The following SLC10A7 variants were observed in gnomAD, a reference collection of about 807,000 sequenced individuals.
SLC10A7 encodes the protein solute carrier family 10 member 7.
In SLC10A7, 29 loss-of-function variants were observed where a neutral mutation model predicts 43.2. The ratio of observed to expected loss-of-function variants is 0.67; its 90% CI spans 0.50 to 0.92. SLC10A7 has a LOEUF of 0.92. Ranked by LOEUF, SLC10A7 falls within the 40% of genes least tolerant of loss-of-function variation. The probability of loss-of-function intolerance (pLI) is 0.00; values close to 1 mark genes in which losing one functional copy is unlikely to be tolerated. For missense variants in SLC10A7, 295 were observed against 403.2 expected (o/e 0.73, Z 2.30); for synonymous variants, 152 against 144.8 (o/e 1.05, Z -0.35).
chr4:146,435,321 T>G (rs1730126153), intron 5 of SLC10A7, among the ~76,000 whole-genome samples: 1 of 151,900 alleles, frequency 6.6e-6, no homozygotes, highest in Admixed American at 6.5e-5. Flanking sequence ...GAACCAAGTT[T>G]ATACAGTTTA....
At chr4:146,380,679 T>C (rs114388481) in intron 5 of SLC10A7, among the ~76,000 whole-genome samples, 3,238 of 152,238 alleles carry the variant, frequency 0.021, 102 homozygotes, top group African/African-American at 0.074. Flanking sequence ...CTTTCTGAAA[T>C]GAATTCATTT....
rs148124271 is a variant in SLC10A7 at position 146,276,835 on chromosome 4, C to T, written c.847+6357G>A. Among the ~76,000 whole-genome samples, 181 of 152,014 alleles carry T rather than the reference C, an allele frequency of 1.2e-3. 2 individuals are homozygous for T. In the East Asian group the frequency reaches 0.019, roughly 16 times the overall value. ...CAGGCATGGTGGCTCAGGCCTGTAG[C>T]CCCAGCTACTCAGGAGACTGAGGTA... On this transcript the variant is annotated intron_variant, in intron 10 of 11. Transcript: ENST00000335472.
chr4:146,420,138 C>G (rs1728852682), intron 5 of SLC10A7, among the ~76,000 whole-genome samples: 1 of 152,088 alleles, frequency 6.6e-6, no homozygotes, highest in Admixed American at 6.6e-5. Context: ...AACTAAAAGA[C>G]TGTCTATTCA....
At chr4:146,332,726 A>G (rs910972097) in intron 5 of SLC10A7, among the ~76,000 whole-genome samples, 7 of 152,176 alleles carry the variant, frequency 4.6e-5, no homozygotes, top group African/African-American at 1.7e-4. Context: ...CTTTATAGCA[A>G]TGCAAGGACA....
rs1429540278 is a variant in SLC10A7, at chr4:146,322,670, C to T, written c.471+3291G>A. Among the ~76,000 whole-genome samples, 3 of 151,958 alleles carry T rather than the reference C, an allele frequency of 2.0e-5. No individual in the cohort carries two copies. The South Asian group carries it at 6.2e-4, about 31-fold the overall frequency. On this transcript the variant is annotated intron_variant, in intron 6 of 11. Coordinates refer to ENST00000335472, the MANE Select transcript of SLC10A7 (RefSeq NM_001029998.6). The stretch of plus-strand genomic sequence containing the variant: ...AAGTCTTTGCTATTGTGAATAGTAC[C>T]ACAATAAACATACGTGTGCATGTGT...
chr4:146,521,333 A>C (rs1014700688), intron 1 of SLC10A7, among the ~76,000 whole-genome samples: 1 of 152,140 alleles, frequency 6.6e-6, no homozygotes, highest in Non-Finnish European at 1.5e-5. Flanking sequence ...CTTTGAAGGC[A>C]AGAGGAGTAA....
chr4:146,449,396 A>T (rs1731381735), intron 4 of SLC10A7, among the ~76,000 whole-genome samples: 1 of 152,136 alleles, frequency 6.6e-6, no homozygotes, highest in Non-Finnish European at 1.5e-5. Flanking sequence ...ATTCAGTTTG[A>T]GAGACCACAC....
intron 5 of SLC10A7, among the ~76,000 whole-genome samples, chr4:146,419,601 T>G (rs1728812877): frequency 6.6e-6 from 1 of 152,074 alleles, no homozygotes; most frequent in South Asian, 2.1e-4. Context: ...CTTGGGAGGC[T>G]GAGGTTGGTG....
intron 5 of SLC10A7, among the ~76,000 whole-genome samples, chr4:146,394,832 A>G (rs1738698843): frequency 6.6e-6 from 1 of 152,334 alleles, no homozygotes; most frequent in South Asian, 2.1e-4. Context: ...CCATGGGATC[A>G]CATTTCTCCA....
rs1224137362 is a variant in SLC10A7, at chr4:146,365,836, C to T, written c.436-39840G>A. On this transcript the variant is annotated intron_variant, in intron 5 of 11. Transcript: ENST00000335472. Reference sequence around the variant, plus strand: ...TCCTCTTCAGCAGGGGTCCCCAAGCCCTGGGCAGTGGACCAACCAGTCTGT... The same window carrying T: ...TCCTCTTCAGCAGGGGTCCCCAAGCTCTGGGCAGTGGACCAACCAGTCTGT... 2.0e-5 allele frequency among the ~76,000 whole-genome samples: 3 copies of T among 152,168 alleles called. No individual in the cohort carries two copies. In the East Asian group the frequency reaches 5.8e-4, roughly 29 times the overall value.
At chr4:146,323,399 T>C (rs1372423162) in intron 6 of SLC10A7, among the ~76,000 whole-genome samples, 1 of 152,208 alleles carries the variant, frequency 6.6e-6, no homozygotes, top group Non-Finnish European at 1.5e-5. Flanking sequence ...GAATTAATTA[T>C]TGTATACGGT....
rs1259513545 is a variant in SLC10A7, at chr4:146,318,076, T to C, written c.471+7885A>G. Among the ~76,000 whole-genome samples, 3 of 152,162 alleles carry C rather than the reference T, an allele frequency of 2.0e-5. No individual in the cohort carries two copies. In the East Asian group the frequency reaches 5.8e-4, roughly 29 times the overall value. On this transcript the variant is annotated intron_variant, in intron 6 of 11. Coordinates refer to ENST00000335472, the MANE Select transcript of SLC10A7 (RefSeq NM_001029998.6). ...CTCTCCCTTATTTTTTCTGTATCAG[T>C]TTTTCTCTCCATAACTGGGTTAATC...
chr4:146,512,452 G>T (rs540668399), intron 2 of SLC10A7, among the ~76,000 whole-genome samples: 7 of 152,300 alleles, frequency 4.6e-5, no homozygotes, highest in African/African-American at 1.7e-4. Flanking sequence ...GATCATCACA[G>T]TGTTATCTAT....
chr4:146,358,786 AT>A (rs142392265), intron 5 of SLC10A7, among the ~76,000 whole-genome samples: 11 of 151,510 alleles, frequency 7.3e-5, no homozygotes, highest in African/African-American at 1.7e-4. Context: ...GGACATTTGA[AT>A]TTTTTTTTCA....
chr4:146,443,917 C>T (rs948224909), intron 4 of SLC10A7, among the ~76,000 whole-genome samples: 8 of 152,116 alleles, frequency 5.3e-5, no homozygotes, highest in African/African-American at 1.4e-4. Flanking sequence ...AAGATGGCAC[C>T]GGACCACAGC....
intron 5 of SLC10A7, among the ~76,000 whole-genome samples, chr4:146,358,729 G>A (rs929192565): frequency 6.6e-6 from 1 of 151,954 alleles, no homozygotes; most frequent in Non-Finnish European, 1.5e-5. Flanking sequence ...ATATTTTGTT[G>A]TAATGTATGA....
chr4:146,312,079 A>G (rs985852864), intron 6 of SLC10A7, among the ~76,000 whole-genome samples: 3 of 152,190 alleles, frequency 2.0e-5, no homozygotes, highest in African/African-American at 7.2e-5. Context: ...ATTCAGTTGC[A>G]TGCATCAAGC....
rs188447921 is a variant in SLC10A7 at position 146,480,742 on chromosome 4, G to A, written c.396+23107C>T. On this transcript the variant is annotated intron_variant, in intron 4 of 11. Coordinates refer to ENST00000335472, the MANE Select transcript of SLC10A7 (RefSeq NM_001029998.6). ...AGCTGGGTGCCAGCTAAAAGTTGGG[G>A]TTCCGTTCTAAAGATGAAGTTGAGG... Among the ~76,000 whole-genome samples, 338 of 152,126 alleles carry A rather than the reference G, an allele frequency of 2.2e-3. 1 individual carries two copies. The highest frequency in any genetic ancestry group is 4.1e-3 in the Non-Finnish European group (281 of 67,992).
chr4:146,263,180 T>G (rs1728340916), intron 10 of SLC10A7, among the ~76,000 whole-genome samples: 1 of 152,200 alleles, frequency 6.6e-6, no homozygotes, highest in African/African-American at 2.4e-5. Flanking sequence ...TTAGGTTGCC[T>G]CCTCTGGGAA....
Sources: gnomAD v4.1 joint callset for allele counts (sites outside exome capture counted in the v4.1 genomes callset) on GRCh38, gnomAD v4.1.1 for gene constraint, MANE v1.5 for transcripts, NCBI Gene and HGNC (gene_info 2026-07-23, HGNC 2026-07-21) for gene names.